Variants in SLC35F1 observed in about 807,000 individuals in gnomAD.
SLC35F1 encodes the protein solute carrier family 35 member F1, also known as chromosome 6 open reading frame 169.
SLC35F1 carries 14 observed loss-of-function variants against 48.7 expected under a neutral mutation model. The ratio of observed to expected loss-of-function variants is 0.29; its 90% CI spans 0.19 to 0.45. SLC35F1 has a LOEUF of 0.45. Ranked by LOEUF, SLC35F1 falls within the 20% of genes least tolerant of loss-of-function variation. The pLI, the probability that SLC35F1 is intolerant of heterozygous loss-of-function variation, is 1.00. For missense variants in SLC35F1, 404 were observed against 500.0 expected (o/e 0.81, Z 1.83); for synonymous variants, 190 against 202.2 (o/e 0.94, Z 0.51).
chr6:118,174,356 C>T (rs951898752), intron 2 of SLC35F1, among the ~76,000 whole-genome samples: 3 of 151,994 alleles, frequency 2.0e-5, no homozygotes, highest in Admixed American at 6.6e-5. Context: ...GGGAATTTCA[C>T]GAGAGATCAG....
At chr6:118,195,506 A>ATT (rs61332125) in intron 2 of SLC35F1, among the ~76,000 whole-genome samples, 10 of 151,328 alleles carry the variant, frequency 6.6e-5, no homozygotes, top group African/African-American at 2.4e-4. Context: ...TTAGCCAATG[A>ATT]TTTTTTTTTC....
At chr6:118,139,769 G>A (rs1773855179) in intron 1 of SLC35F1, among the ~76,000 whole-genome samples, 1 of 152,142 alleles carries the variant, frequency 6.6e-6, no homozygotes, top group Non-Finnish European at 1.5e-5. Flanking sequence ...AAGCCAGTGT[G>A]CTCTTGGTTT....
At chr6:117,962,694 A>G (rs1776514478) in intron 1 of SLC35F1, among the ~76,000 whole-genome samples, 1 of 152,222 alleles carries the variant, frequency 6.6e-6, no homozygotes, top group Non-Finnish European at 1.5e-5. Flanking sequence ...GCCAGCTCCC[A>G]TCAGCTGCAA....
intron 1 of SLC35F1, among the ~76,000 whole-genome samples, chr6:117,930,457 G>A (rs565896476): frequency 1.8e-4 from 27 of 152,124 alleles, no homozygotes; most frequent in Non-Finnish European, 2.9e-4. Flanking sequence ...GGGCTTGAAA[G>A]GAAAGCCCTA....
At chr6:117,998,047 A>G (rs1777023156) in intron 1 of SLC35F1, among the ~76,000 whole-genome samples, 1 of 148,544 alleles carries the variant, frequency 6.7e-6, no homozygotes, top group Non-Finnish European at 1.5e-5. Context: ...GTGCAGAGAC[A>G]CACATAGGCT....
At chr6:118,014,235 T>C (rs576703137) in intron 1 of SLC35F1, among the ~76,000 whole-genome samples, 4 of 152,320 alleles carry the variant, frequency 2.6e-5, no homozygotes, top group Non-Finnish European at 5.9e-5. Context: ...ACTTAGTACA[T>C]ATAACCTACT....
chr6:118,163,411 A>T (rs1415583004), intron 2 of SLC35F1, among the ~76,000 whole-genome samples: 1 of 109,944 alleles, frequency 9.1e-6, no homozygotes, highest in African/African-American at 3.9e-5. Flanking sequence ...CTTATACACA[A>T]ACACACTCAC....
rs1004421464 is a variant in SLC35F1, at chr6:118,314,893, A to G, written c.*641A>G. ...TCTCTATTCTAGGAATAGATATAAA[A>G]GAAACATTTTAGCCTTTTTATATTT... On this transcript the variant is annotated 3_prime_UTR_variant, in exon 8 of 8. Coordinates refer to ENST00000360388, the MANE Select transcript of SLC35F1 (RefSeq NM_001029858.4). 6.5e-6 allele frequency: 1 copy of G among 153,132 alleles called. No individual in the cohort carries two copies. The highest frequency in any genetic ancestry group is 1.5e-5 in the Non-Finnish European group (1 of 68,450). 9.5% of individuals were successfully genotyped at this position (153,132 alleles called of 1,614,324 possible).
At chr6:117,922,959 T>C (rs1313163294) in intron 1 of SLC35F1, among the ~76,000 whole-genome samples, 2 of 152,166 alleles carry the variant, frequency 1.3e-5, no homozygotes, top group East Asian at 3.8e-4. Context: ...ATGGAGAGCT[T>C]AGAGATCATC....
intron 1 of SLC35F1, among the ~76,000 whole-genome samples, chr6:118,057,330 C>T (rs1582642219): frequency 1.3e-5 from 2 of 152,236 alleles, no homozygotes; most frequent in South Asian, 4.1e-4. Flanking sequence ...GGCAAGGGAT[C>T]CTACTTGGGC....
At chr6:118,245,545 CT>C (rs1775496419) in intron 3 of SLC35F1, among the ~76,000 whole-genome samples, 2 of 152,170 alleles carry the variant, frequency 1.3e-5, no homozygotes, top group Admixed American at 6.5e-5. Flanking sequence ...AGTTGTCTCT[CT>C]CTTCTTGTGG....
At chr6:117,914,864 G>A (rs1775808421) in intron 1 of SLC35F1, among the ~76,000 whole-genome samples, 1 of 151,440 alleles carries the variant, frequency 6.6e-6, no homozygotes, top group African/African-American at 2.4e-5. Context: ...GACCTTTTTT[G>A]ATGAATACCA....
intron 6 of SLC35F1, among the ~76,000 whole-genome samples, chr6:118,282,959 C>G (rs6927800): frequency 0.38 from 58,318 of 152,028 alleles, 11,903 homozygotes; most frequent in Middle Eastern, 0.49. Flanking sequence ...ACAGAGTAGC[C>G]AAAATCACCT....
chr6:117,919,116 C>G (rs1006649885), intron 1 of SLC35F1, among the ~76,000 whole-genome samples: 1 of 152,000 alleles, frequency 6.6e-6, no homozygotes, highest in Non-Finnish European at 1.5e-5. Flanking sequence ...CCAGGCTGGT[C>G]TTGAACTGGG....
chr6:118,264,050 A>G (rs1349316298), intron 3 of SLC35F1, among the ~76,000 whole-genome samples: 1 of 152,210 alleles, frequency 6.6e-6, no homozygotes, highest in African/African-American at 2.4e-5. Context: ...TGAGCACATC[A>G]TTTCACCTCT....
intron 2 of SLC35F1, among the ~76,000 whole-genome samples, chr6:118,201,305 A>G (rs1206654904): frequency 6.6e-6 from 1 of 152,206 alleles, no homozygotes; most frequent in Non-Finnish European, 1.5e-5. Flanking sequence ...AAGAAATGTT[A>G]TCTAGTTGTG....
At chr6:117,952,790 A>G (rs527996900) in intron 1 of SLC35F1, among the ~76,000 whole-genome samples, 3 of 152,366 alleles carry the variant, frequency 2.0e-5, no homozygotes, top group South Asian at 2.1e-4. Flanking sequence ...TTGCCCATCA[A>G]TAATGGCCCT....
chr6:118,055,867 TATC>T (rs1174686565), intron 1 of SLC35F1, among the ~76,000 whole-genome samples: 8 of 152,206 alleles, frequency 5.3e-5, no homozygotes, highest in Non-Finnish European at 1.0e-4. Flanking sequence ...ATCCAGTGAT[TATC>T]AGCACCTCCT....
intron 1 of SLC35F1, among the ~76,000 whole-genome samples, chr6:118,143,380 G>A (rs1227229964): frequency 6.6e-6 from 1 of 152,150 alleles, no homozygotes; most frequent in Admixed American, 6.5e-5. Flanking sequence ...TTAAAAGGTT[G>A]CCCCCTCTTT....
Sources: allele counts gnomAD v4.1 joint callset (sites outside exome capture counted in the v4.1 genomes callset), GRCh38; gene constraint gnomAD v4.1.1; transcripts MANE v1.5; gene names NCBI Gene and HGNC (gene_info 2026-07-23, HGNC 2026-07-21).